The following DLGAP2 variants were observed in gnomAD, a reference collection of about 807,000 sequenced individuals.
The protein encoded by DLGAP2 is disks large-associated protein 2.
In DLGAP2, 26 loss-of-function variants were observed where a neutral mutation model predicts 100.3. That is an observed-to-expected ratio of 0.26 (90% CI 0.19 to 0.36). The LOEUF (loss-of-function observed/expected upper bound fraction) is 0.36, where lower values mean the gene tolerates loss of function less well. DLGAP2 is among the 10% of genes least tolerant of loss of function. The pLI, the probability that DLGAP2 is intolerant of heterozygous loss-of-function variation, is 1.00. For synonymous variants in DLGAP2, 886 were observed against 630.1 expected (o/e 1.41, Z -6.08); for missense variants, 1,858 against 1,453.2 (o/e 1.28, Z -4.53).
intron 3 of DLGAP2, among the ~76,000 whole-genome samples, chr8:1,312,195 A>G (rs754280521): frequency 6.6e-6 from 1 of 152,254 alleles, no homozygotes; most frequent in Non-Finnish European, 1.5e-5. Context: ...CATAAAAGTT[A>G]CCTCGACATA....
intron 3 of DLGAP2, among the ~76,000 whole-genome samples, chr8:1,290,732 G>C (rs993522811): frequency 6.6e-6 from 1 of 152,194 alleles, no homozygotes; most frequent in East Asian, 1.9e-4. Context: ...ATTCCAGACA[G>C]TATGTAGTTA....
intron 3 of DLGAP2, among the ~76,000 whole-genome samples, chr8:1,334,653 A>T (rs1269829981): frequency 6.6e-6 from 1 of 152,076 alleles, no homozygotes; most frequent in African/African-American, 2.4e-5. Context: ...TGGGATGACC[A>T]GTGTGGCATC....
intron 8 of DLGAP2, among the ~76,000 whole-genome samples, chr8:1,662,577 A>G (rs754383384): frequency 9.2e-5 from 14 of 152,244 alleles, no homozygotes; most frequent in East Asian, 7.7e-4. Flanking sequence ...CAACAACTGG[A>G]GAAGCATCTG....
intron 3 of DLGAP2, among the ~76,000 whole-genome samples, chr8:1,409,061 C>A (rs1219971669): frequency 2.6e-5 from 4 of 152,176 alleles, no homozygotes; most frequent in Non-Finnish European, 2.9e-5. Context: ...CTGCCCAACC[C>A]CTTCCTCACT....
At chr8:994,661 A>T (rs540606265) in intron 2 of DLGAP2, among the ~76,000 whole-genome samples, 1 of 152,186 alleles carries the variant, frequency 6.6e-6, no homozygotes, top group Non-Finnish European at 1.5e-5. Flanking sequence ...AGATGCATTT[A>T]CACACAGGGG....
chr8:1,430,211 C>T (rs1210144392), intron 3 of DLGAP2, among the ~76,000 whole-genome samples: 1 of 151,156 alleles, frequency 6.6e-6, no homozygotes, highest in Non-Finnish European at 1.5e-5. Flanking sequence ...CTATATGTCA[C>T]CAATGATCTG....
At chr8:950,077 G>T (rs1045608925) in intron 2 of DLGAP2, among the ~76,000 whole-genome samples, 1 of 152,122 alleles carries the variant, frequency 6.6e-6, no homozygotes, top group South Asian at 2.1e-4. Flanking sequence ...TTATCTGCCC[G>T]GCAGCACCTG....
chr8:1,273,483 T>G (rs1799622797), intron 3 of DLGAP2, among the ~76,000 whole-genome samples: 1 of 152,182 alleles, frequency 6.6e-6, no homozygotes, highest in African/African-American at 2.4e-5. Context: ...ATGCTCAAGA[T>G]GGATGACCAG....
At chr8:1,261,617 C>T (rs559729681) in intron 3 of DLGAP2, among the ~76,000 whole-genome samples, 3 of 152,306 alleles carry the variant, frequency 2.0e-5, no homozygotes, top group African/African-American at 7.2e-5. Flanking sequence ...TGCCCCTCCT[C>T]ACTGGGCTGC....
At chr8:1,595,908 C>T (rs958392958) in intron 6 of DLGAP2, among the ~76,000 whole-genome samples, 1 of 151,456 alleles carries the variant, frequency 6.6e-6, no homozygotes, top group Non-Finnish European at 1.5e-5. Context: ...TTTTAGGGTA[C>T]ATGTGCACAA....
chr8:1,699,649 G>A (rs1474851724), intron 14 of DLGAP2, among the ~76,000 whole-genome samples: 2 of 152,040 alleles, frequency 1.3e-5, no homozygotes, highest in African/African-American at 4.8e-5. Context: ...ATGGTTTCTC[G>A]CTGAGGGCAG....
intron 2 of DLGAP2, among the ~76,000 whole-genome samples, chr8:946,419 A>G (rs1055518809): frequency 3.3e-5 from 5 of 151,696 alleles, no homozygotes; most frequent in Admixed American, 6.6e-5. Flanking sequence ...GCCCGCCACC[A>G]CGCCCGGCTA....
intron 2 of DLGAP2, among the ~76,000 whole-genome samples, chr8:1,205,614 G>A (rs1027951528): frequency 2.6e-5 from 4 of 152,164 alleles, no homozygotes; most frequent in African/African-American, 9.7e-5. Flanking sequence ...CTGGGACGTG[G>A]TGCGTGAACC....
chr8:906,604 C>T (rs530754452), intron 1 of DLGAP2, among the ~76,000 whole-genome samples: 12 of 152,130 alleles, frequency 7.9e-5, no homozygotes, highest in East Asian at 3.9e-4. Context: ...GTGTCAGATA[C>T]GACCCTAGAG....
intron 3 of DLGAP2, among the ~76,000 whole-genome samples, chr8:1,494,732 A>T (rs1462448927): frequency 6.6e-6 from 1 of 152,126 alleles, no homozygotes; most frequent in Admixed American, 6.5e-5. Context: ...CATCTAAAAA[A>T]AAAAGGAAAG....
intron 2 of DLGAP2, among the ~76,000 whole-genome samples, chr8:1,206,703 C>G (rs572640658): frequency 1.3e-5 from 2 of 151,764 alleles, no homozygotes; most frequent in Non-Finnish European, 2.9e-5. Flanking sequence ...CCTGGTCTCC[C>G]GAGCGCCTGG....
chr8:962,565 A>G (rs552676005), intron 2 of DLGAP2, among the ~76,000 whole-genome samples: 55 of 152,202 alleles, frequency 3.6e-4, no homozygotes, highest in African/African-American at 1.3e-3. Context: ...GTGCTCCCAG[A>G]GACTCCTTTT....
intron 2 of DLGAP2, among the ~76,000 whole-genome samples, chr8:1,217,074 A>G (rs1195795671): frequency 6.6e-6 from 1 of 152,064 alleles, no homozygotes; most frequent in Admixed American, 6.6e-5. Flanking sequence ...TGAGCATAGT[A>G]CCCGATAGGT....
At chr8:1,477,800 A>G (rs1798977300) in intron 3 of DLGAP2, among the ~76,000 whole-genome samples, 1 of 18,700 alleles carries the variant, frequency 5.3e-5, no homozygotes, top group South Asian at 1.4e-3. Flanking sequence ...GGTGAGAAAG[A>G]AAAAAAAAAA....
Sources: gnomAD v4.1 joint callset for allele counts (sites outside exome capture counted in the v4.1 genomes callset) on GRCh38, gnomAD v4.1.1 for gene constraint, MANE v1.5 for transcripts, NCBI Gene and HGNC (gene_info 2026-07-23, HGNC 2026-07-21) for gene names.